CDK12: variants seen among roughly 807,000 people sequenced by gnomAD.
CDK12 encodes the protein cyclin dependent kinase 12, also known as cyclin-dependent kinase 12.
A neutral mutation model predicts 133.8 loss-of-function variants in CDK12; 17 were observed. The ratio of observed to expected loss-of-function variants is 0.13; its 90% CI spans 0.09 to 0.19. The LOEUF (loss-of-function observed/expected upper bound fraction) is 0.19, where lower values mean the gene tolerates loss of function less well. Ranked by LOEUF, CDK12 falls within the 10% of genes least tolerant of loss-of-function variation. CDK12 has a pLI of 1.00. For synonymous variants in CDK12, 694 were observed against 683.6 expected, an observed-to-expected ratio of 1.02 and a Z score of -0.24; for missense variants, 1,508 against 1,818.7, an observed-to-expected ratio of 0.83 and a Z score of 3.11.
chr17:39,520,139 C>T (rs772672229), intron 11 of CDK12, 52 bp downstream of exon 11: 19 of 1,594,822 alleles, frequency 1.2e-5, no homozygotes, highest in Middle Eastern at 1.7e-4. Flanking sequence ...GGGCCTTAGA[C>T]GATGAGAAAC....
rs369372744 is a variant in CDK12, at chr17:39,531,260, C to T, written c.4417C>T (p.Arg1473Trp). 7.9e-6 allele frequency: 12 copies of T among 1,509,672 alleles called. No individual in the cohort carries two copies. The highest frequency in any genetic ancestry group is 1.4e-5 in the South Asian group (1 of 72,422). The allele number at this position is 1,509,672 out of a possible 1,614,324, so 93.5% of individuals were successfully genotyped here. A position where few individuals can be genotyped will look rare whatever the true frequency, so the allele number is the denominator to read the frequency against. The change falls in exon 14 of 14, where the codon CGG becomes TGG. Residue 1473 changes from arginine to tryptophan, a missense_variant. By Grantham distance (101) the Arg-to-Trp change is moderately radical (BLOSUM62 -3). Transcript: ENST00000447079. ...GTCTTCTGCTTATGGAAAACTCTAT[C>T]GGGGGCCTACAAGAGTCCCACCAAG... is the stretch of plus-strand genomic sequence containing the variant. ...TQSSAYGKLY[R>W]GPTRVPPRGG...
upstream of CDK12, among the ~76,000 whole-genome samples, chr17:39,543,449 G>A (rs1296628698): frequency 2.0e-5 from 3 of 152,174 alleles, no homozygotes; most frequent in African/African-American, 7.2e-5. Context: ...ATGAGTCTGG[G>A]AGCCACTGAT....
intron 10 of CDK12, among the ~76,000 whole-genome samples, chr17:39,517,851 G>GT (rs1461684468): frequency 1.3e-5 from 2 of 152,020 alleles, no homozygotes; most frequent in African/African-American, 4.8e-5. Context: ...CATGGGTTTT[G>GT]TTTGTTTGTT....
In CDK12 at chr17:39,474,781, CTTTTTTTTT is replaced by C. The variant is rs893347738; in HGVS notation, c.1931+3032_1931+3040del. ...ACTATAGAAAGAAATATGATGTTTC[CTTTTTTTTT>C]TTTTTTTTTTTTTGGCATTACCAGA... On this transcript the variant is annotated intron_variant, in intron 2 of 13. Transcript: ENST00000447079. Among the ~76,000 whole-genome samples the C allele has an allele frequency of 3.2e-5, 3 of 94,134 alleles. No individual in the cohort carries two copies. The South Asian group carries it at 9.5e-4, about 30-fold the overall frequency. 61.8% of individuals were successfully genotyped at this position (94,134 alleles called of 152,430 possible). A position where few individuals can be genotyped will look rare whatever the true frequency, so the allele number is the denominator to read the frequency against.
intron 11 of CDK12, among the ~76,000 whole-genome samples, chr17:39,523,084 T>A (rs2054282367): frequency 2.0e-5 from 3 of 152,090 alleles, no homozygotes; most frequent in African/African-American, 7.2e-5. Context: ...AGAAATATGA[T>A]CTTTTAATAT....
chr17:39,545,779 AT>A (rs919129906), upstream of CDK12, among the ~76,000 whole-genome samples: 68 of 132,506 alleles, frequency 5.1e-4, no homozygotes, highest in Non-Finnish European at 6.0e-4. Context: ...GGATTACAGG[AT>A]TTTTTTTTCC....
chr17:39,461,967 C>T lies in CDK12; in HGVS notation c.-105C>T, dbSNP rs192819848. ...GTCCCTGCCCTCCCCACCCCCTTCC[C>T]GGGGCGCTTTGGTGGGCGTGGAGTT... is the stretch of plus-strand genomic sequence containing the variant. On this transcript the variant is annotated 5_prime_UTR_variant, in exon 1 of 14. Coordinates refer to ENST00000447079, the MANE Select transcript of CDK12 (RefSeq NM_016507.4). The T allele has an allele frequency of 0.032, 22,502 of 700,074 alleles. 363 individuals are homozygous for T. The highest frequency in any genetic ancestry group is 0.037 in the Non-Finnish European group (18,115 of 492,856). 43.4% of individuals were successfully genotyped at this position (700,074 alleles called of 1,614,324 possible).
At chr17:39,498,949 T>C (rs1403081171) in intron 5 of CDK12, among the ~76,000 whole-genome samples, 1 of 16 alleles carries the variant, frequency 0.062, no homozygotes, top group Admixed American at 0.25. Context: ...CTTTCTTTCT[T>C]TCTTTCTTTC....
chr17:39,558,666 G>A (rs921818098), intron 3 of CDK12, among the ~76,000 whole-genome samples: 3 of 151,860 alleles, frequency 2.0e-5, no homozygotes, highest in Admixed American at 6.6e-5. Flanking sequence ...TTTTTGAGAC[G>A]GAGTTTTGCT....
intron 10 of CDK12, among the ~76,000 whole-genome samples, chr17:39,519,417 T>G (rs2054025077): frequency 7.0e-6 from 1 of 142,160 alleles, no homozygotes; most frequent in Non-Finnish European, 1.5e-5. Context: ...CAAGCGATTC[T>G]CAGCCCTCCA....
intron 8 of CDK12, 149 bp from the exon 9 acceptor site, chr17:39,515,582 A>G: frequency 1.7e-6 from 1 of 595,872 alleles, no homozygotes; most frequent in East Asian, 2.8e-5. Flanking sequence ...ACTGCAAGAA[A>G]TATTTTCTCT....
At position 39,526,290 on chromosome 17, in the gene CDK12, C is replaced by T. The variant is rs758668404; in HGVS notation, c.3734C>T (p.Pro1245Leu). The T allele has an allele frequency of 4.7e-5, 75 of 1,597,254 alleles. No individual in the cohort carries two copies. Among genetic ancestry groups the T allele is most frequent in the Non-Finnish European group, 6.1e-5 (71 of 1,172,714 alleles). The change falls in exon 13 of 14, where the codon CCC becomes CTC. Residue 1245 changes from proline (P) to leucine (L), a missense_variant. Transcript: ENST00000447079. ...NSGPQGPRRT[P>L]TMPQEEAAAC... Reference sequence around the variant, plus strand: ...GGGCCACAGGGGCCCCGAAGAACTCCCACAATGCCACAGGAGGAGGCAGCA... The same window carrying T: ...GGGCCACAGGGGCCCCGAAGAACTCTCACAATGCCACAGGAGGAGGCAGCA...
rs1341444551 is a variant in CDK12, at chr17:39,481,647, T to G, written c.1932-8910T>G. On this transcript the variant is annotated intron_variant, in intron 2 of 13. Transcript: ENST00000447079. ...CTCGCTCGCGCGCTCTCTCTCTCTC[T>G]CTCTCTCTCTCTCTCTCTCTCTCTC... 5.2e-3 allele frequency among the ~76,000 whole-genome samples: 56 copies of G among 10,706 alleles called. 5 individuals carry two copies. Among genetic ancestry groups the G allele is most frequent in the Middle Eastern group, 0.029 (1 of 34 alleles). The allele number at this position is 10,706 out of a possible 152,430, so 7.0% of individuals were successfully genotyped here.
intron 6 of CDK12, among the ~76,000 whole-genome samples, chr17:39,504,580 A>G (rs1412623747): frequency 6.6e-6 from 1 of 152,064 alleles, no homozygotes; most frequent in Admixed American, 6.6e-5. Flanking sequence ...ATTTGAATAT[A>G]TTTAAATGCT....
chr17:39,495,070 CCTTT>C (rs2051965597), intron 5 of CDK12, among the ~76,000 whole-genome samples: 2 of 151,898 alleles, frequency 1.3e-5, no homozygotes, highest in South Asian at 2.1e-4. Flanking sequence ...CGCGCCTGGC[CCTTT>C]CTTTCTTATT....
At chr17:39,475,606 G>A (rs866274756) in intron 2 of CDK12, among the ~76,000 whole-genome samples, 119 of 148,544 alleles carry the variant, frequency 8.0e-4, no homozygotes, top group African/African-American at 2.9e-3. Context: ...GGAGTGCAGT[G>A]GCGATCTTGG....
rs1455307206 is a variant in CDK12, at chr17:39,532,940, C to T, written c.*1624C>T. 1 of 232,834 alleles carries T rather than the reference C, an allele frequency of 4.3e-6. No homozygotes were observed. Among genetic ancestry groups the T allele is most frequent in the Non-Finnish European group, 8.5e-6 (1 of 117,852 alleles). The allele number at this position is 232,834 out of a possible 1,614,324, so 14.4% of individuals were successfully genotyped here. On this transcript the variant is annotated 3_prime_UTR_variant, in exon 14 of 14. Transcript: ENST00000447079. ...AGACCTTCAGGAAACATAGGTTAAG[C>T]CCCCTTTTACAAAGAAAAAGTAAAC...
chr17:39,537,561 AT>A (rs146539279), downstream of CDK12, among the ~76,000 whole-genome samples: 1 of 149,482 alleles, frequency 6.7e-6, no homozygotes, highest in Admixed American at 6.7e-5. Context: ...TTATTTATTT[AT>A]TTATTTATTT....
intron 2 of CDK12, among the ~76,000 whole-genome samples, chr17:39,552,760 T>G (rs2056004095): frequency 6.6e-6 from 1 of 152,190 alleles, no homozygotes; most frequent in Admixed American, 6.5e-5. Context: ...GGAGTCTCAC[T>G]CTATCGCCCA....
Sources: allele counts gnomAD v4.1 joint callset (sites outside exome capture counted in the v4.1 genomes callset), GRCh38; gene constraint gnomAD v4.1.1; transcripts MANE v1.5; gene names NCBI Gene and HGNC (gene_info 2026-07-23, HGNC 2026-07-21).